RSBN1L: variants seen among roughly 807,000 people sequenced by gnomAD.
RSBN1L encodes round spermatid basic protein 1 like.
In RSBN1L, 30 loss-of-function variants were observed where a neutral mutation model predicts 67.7. The observed-to-expected ratio is 0.44, with a 90% CI of 0.33 to 0.60. The LOEUF is 0.60. Among genes scored for constraint, RSBN1L ranks in the 20% least tolerant of loss-of-function variants. The pLI, the probability that RSBN1L is intolerant of heterozygous loss-of-function variation, is 0.02. For synonymous variants in RSBN1L, 433 were observed against 387.0 expected, an observed-to-expected ratio of 1.12 and a Z score of -1.39; for missense variants, 992 against 1,031.7, an observed-to-expected ratio of 0.96 and a Z score of 0.53.
intron 5 of RSBN1L, among the ~76,000 whole-genome samples, chr7:77,771,143 T>C (rs916903523): frequency 1.3e-5 from 2 of 152,218 alleles, no homozygotes; most frequent in African/African-American, 4.8e-5. Flanking sequence ...TGTTTCACCA[T>C]GTTGGCCAGG....
chr7:77,764,307 A>C (rs1342463746), intron 3 of RSBN1L, among the ~76,000 whole-genome samples: 1 of 152,148 alleles, frequency 6.6e-6, no homozygotes, highest in African/African-American at 2.4e-5. Context: ...TTGAAGACAG[A>C]CTCAGCTTGT....
At chr7:77,765,741 A>G (rs1248618671) in intron 4 of RSBN1L, 109 bp downstream of exon 4, 1 of 776,038 alleles carries the variant, frequency 1.3e-6, no homozygotes, top group Non-Finnish European at 2.0e-6. Context: ...CATGCAATAT[A>G]AATGAATGGC....
At chr7:77,741,216 A>T (rs1206570834) in intron 2 of RSBN1L, among the ~76,000 whole-genome samples, 2 of 150,800 alleles carry the variant, frequency 1.3e-5, no homozygotes, top group African/African-American at 4.9e-5. Context: ...CGAACTCCTG[A>T]CCTCAAGCAG....
chr7:77,749,700 C>T lies in RSBN1L; in HGVS notation c.980C>T (p.Ser327Leu), dbSNP rs748894599. The T allele has an allele frequency of 1.9e-6, 3 of 1,614,092 alleles. No homozygotes were observed. The highest frequency in any genetic ancestry group is 1.7e-6 in the Non-Finnish European group (2 of 1,180,014). Residue 327 changes from serine (S) to leucine (L), a missense_variant, in exon 3 of 8, where the codon TCA becomes TTA. Physicochemically the swap from Ser to Leu is moderately radical, Grantham distance 145. Coordinates refer to ENST00000334955, the MANE Select transcript of RSBN1L (RefSeq NM_198467.3). ...IPENSEFPFV[S>L]LKEPRVQNNL... Reference sequence around the variant, plus strand: ...GAGAACAGTGAGTTTCCATTTGTCTCATTAAAGGAGCCACGAGTTCAGAAT... The same window carrying T: ...GAGAACAGTGAGTTTCCATTTGTCTTATTAAAGGAGCCACGAGTTCAGAAT...
rs1791568960 is a variant in RSBN1L at position 77,752,605 on chromosome 7, A to G, written c.1344+2541A>G. Among the ~76,000 whole-genome samples, 4 of 152,210 alleles carry G rather than the reference A, an allele frequency of 2.6e-5. No homozygotes were observed. The South Asian group carries it at 8.3e-4, about 31-fold the overall frequency. ...CTCCCAGTTAAAGCTCTCTCAGCCT[A>G]CATTGAAGTGTCCCTCCAGGAGTTG... On this transcript the variant is annotated intron_variant, in intron 3 of 7. Coordinates refer to ENST00000334955, the MANE Select transcript of RSBN1L (RefSeq NM_198467.3).
At chr7:77,731,722 A>G (rs563657081) in intron 1 of RSBN1L, among the ~76,000 whole-genome samples, 3 of 151,758 alleles carry the variant, frequency 2.0e-5, no homozygotes, top group Non-Finnish European at 4.4e-5. Flanking sequence ...CAGCTTTATC[A>G]GTTCTTTTTT....
At chr7:77,755,020 A>G (rs1295226269) in intron 3 of RSBN1L, among the ~76,000 whole-genome samples, 1 of 152,250 alleles carries the variant, frequency 6.6e-6, no homozygotes, top group Non-Finnish European at 1.5e-5. Context: ...GTGAAACTGT[A>G]TATTTTGGTG....
At chr7:77,729,048 C>T (rs1384128794) in intron 1 of RSBN1L, among the ~76,000 whole-genome samples, 1 of 152,112 alleles carries the variant, frequency 6.6e-6, no homozygotes, top group Non-Finnish European at 1.5e-5. Flanking sequence ...AAATATTTTG[C>T]TGGCTTATGG....
At chr7:77,731,020 T>C (rs975283650) in intron 1 of RSBN1L, among the ~76,000 whole-genome samples, 2 of 152,242 alleles carry the variant, frequency 1.3e-5, no homozygotes, top group Non-Finnish European at 2.9e-5. Flanking sequence ...TTTTGCTCTG[T>C]ATTTTTGTCA....
intron 1 of RSBN1L, among the ~76,000 whole-genome samples, chr7:77,733,791 T>A (rs1791298712): frequency 6.6e-6 from 1 of 152,172 alleles, no homozygotes; most frequent in African/African-American, 2.4e-5. Flanking sequence ...TTATGTTTTG[T>A]GATTGTGGTA....
intron 1 of RSBN1L, among the ~76,000 whole-genome samples, chr7:77,711,024 T>C (rs1193857165): frequency 6.6e-6 from 1 of 152,200 alleles, no homozygotes; most frequent in Non-Finnish European, 1.5e-5. Flanking sequence ...CTGAATGACT[T>C]GCAGTATATT....
At chr7:77,711,134 A>G (rs1790968289) in intron 1 of RSBN1L, among the ~76,000 whole-genome samples, 1 of 152,146 alleles carries the variant, frequency 6.6e-6, no homozygotes, top group Non-Finnish European at 1.5e-5. Flanking sequence ...TGATAATGGG[A>G]TAAGAAGTTG....
In RSBN1L at chr7:77,749,538, G is replaced by A. The variant is rs772755572; in HGVS notation, c.818G>A (p.Ser273Asn). The A allele has an allele frequency of 6.2e-7, 1 of 1,612,570 alleles. No individual in the cohort carries two copies. Among genetic ancestry groups the A allele is most frequent in the East Asian group, 2.2e-5 (1 of 44,876 alleles). ...AAACGGAAGCGTCCGAAAATGTATA[G>A]CAAATCTATTCAGACCATCTGCTCA... ...NEKRKRPKMY[S>N]KSIQTICSGL... The change falls in exon 3 of 8, where the codon AGC becomes AAC. Residue 273 changes from serine to asparagine, a missense_variant. Ser to Asn is a conservative substitution (Grantham distance 46). Coordinates refer to ENST00000334955, the MANE Select transcript of RSBN1L (RefSeq NM_198467.3).
intron 1 of RSBN1L, among the ~76,000 whole-genome samples, chr7:77,715,830 G>C (rs1193088560): frequency 6.6e-6 from 1 of 152,098 alleles, no homozygotes; most frequent in Non-Finnish European, 1.5e-5. Context: ...GTTCATTGTA[G>C]TTTTAATTTA....
At chr7:77,727,343 T>C (rs1791217829) in intron 1 of RSBN1L, among the ~76,000 whole-genome samples, 1 of 152,216 alleles carries the variant, frequency 6.6e-6, no homozygotes, top group South Asian at 2.1e-4. Context: ...TGTCTCGGCC[T>C]CCTGAAGTGC....
chr7:77,732,138 C>A (rs1791279455), intron 1 of RSBN1L, among the ~76,000 whole-genome samples: 1 of 152,094 alleles, frequency 6.6e-6, no homozygotes, highest in South Asian at 2.1e-4. Flanking sequence ...ATGAGAAGAT[C>A]AGTTACGAAT....
rs190523136 is a variant in RSBN1L, at chr7:77,782,861, T to A, written c.*3693T>A. ...TTGTAAATAATAAACTAGCACCGTT[T>A]GGGTAAATTTGCATTATTTTTTGGA... On this transcript the variant is annotated 3_prime_UTR_variant, in exon 8 of 8. Coordinates refer to ENST00000334955, the MANE Select transcript of RSBN1L (RefSeq NM_198467.3). 7 of 152,304 alleles carry A rather than the reference T, an allele frequency of 4.6e-5. No individual in the cohort carries two copies. The East Asian group carries it at 1.3e-3, about 29-fold the overall frequency. The allele number at this position is 152,304 out of a possible 1,614,324, so 9.4% of individuals were successfully genotyped here. A position where few individuals can be genotyped will look rare whatever the true frequency, so the allele number is the denominator to read the frequency against.
chr7:77,710,894 C>G (rs1790965498), intron 1 of RSBN1L, among the ~76,000 whole-genome samples: 1 of 152,054 alleles, frequency 6.6e-6, no homozygotes, highest in Non-Finnish European at 1.5e-5. Context: ...GCCCAGCCTT[C>G]TTTCCTTCAT....
intron 1 of RSBN1L, among the ~76,000 whole-genome samples, chr7:77,735,682 T>C (rs1223135930): frequency 2.6e-5 from 4 of 152,200 alleles, no homozygotes; most frequent in Non-Finnish European, 4.4e-5. Context: ...CAAAGGTTTA[T>C]GTCACTATTT....
Sources: allele counts gnomAD v4.1 joint callset (sites outside exome capture counted in the v4.1 genomes callset), GRCh38; gene constraint gnomAD v4.1.1; transcripts MANE v1.5; gene names NCBI Gene and HGNC (gene_info 2026-07-23, HGNC 2026-07-21).